The following CA5A variants were observed in gnomAD, a reference collection of about 807,000 sequenced individuals.
CA5A encodes the protein carbonic anhydrase 5A.
In CA5A, 28 loss-of-function variants were observed where a neutral mutation model predicts 37.1. The ratio of observed to expected loss-of-function variants is 0.75; its 90% CI spans 0.56 to 1.03. CA5A has a LOEUF of 1.03. Among genes scored for constraint, CA5A ranks in the 50% least tolerant of loss-of-function variants. The pLI, the probability that CA5A is intolerant of heterozygous loss-of-function variation, is 0.00. For missense variants in CA5A, 444 were observed against 399.9 expected, an observed-to-expected ratio of 1.11 and a Z score of -0.94; for synonymous variants, 171 against 158.4, an observed-to-expected ratio of 1.08 and a Z score of -0.60.
chr16:87,917,413 T>G (rs573293212), intron 2 of CA5A, among the ~76,000 whole-genome samples: 1 of 152,212 alleles, frequency 6.6e-6, no homozygotes, highest in Admixed American at 6.5e-5. Context: ...ACAGGTAAAC[T>G]TTGGAAGCTG....
intron 1 of CA5A, among the ~76,000 whole-genome samples, chr16:87,933,176 T>C (rs1567541169): frequency 6.6e-6 from 1 of 152,182 alleles, no homozygotes; most frequent in Non-Finnish European, 1.5e-5. Flanking sequence ...TGTGCAGCAG[T>C]GTGCTGGTTG....
At chr16:87,932,697 C>T (rs138024883) in intron 1 of CA5A, among the ~76,000 whole-genome samples, 1 of 152,076 alleles carries the variant, frequency 6.6e-6, no homozygotes. Context: ...TCAAAGACGC[C>T]AAGTCCCCTG....
chr16:87,920,661 A>C (rs1164210767), intron 2 of CA5A, among the ~76,000 whole-genome samples: 1 of 151,880 alleles, frequency 6.6e-6, no homozygotes, highest in Non-Finnish European at 1.5e-5. Flanking sequence ...TTTGTTGCCC[A>C]GGCTGGAGTG....
At chr16:87,928,395 C>T (rs1355856754) in intron 1 of CA5A, among the ~76,000 whole-genome samples, 17 of 152,092 alleles carry the variant, frequency 1.1e-4, no homozygotes, top group Non-Finnish European at 2.2e-4. Flanking sequence ...AACTCCTGGC[C>T]TCAAGTGATT....
chr16:87,924,161 C>T (rs1041031695), intron 2 of CA5A: 10 of 985,294 alleles, frequency 1.0e-5, no homozygotes, highest in Middle Eastern at 5.2e-4. Flanking sequence ...TCTTCTTCTC[C>T]GAGCTGGTCT....
Position 87,927,555 on chromosome 16 carries a change from A to C in CA5A, c.143-610T>G, listed in dbSNP as rs371127422. On this transcript the variant is annotated intron_variant, in intron 1 of 6. Coordinates refer to ENST00000649794, the MANE Select transcript of CA5A (RefSeq NM_001739.2). ...CTTTGATTGTCATTTTTAAAGTAAG[A>C]GCCATTAATCGAAAACAGTTCAGAG... 3.3e-5 allele frequency among the ~76,000 whole-genome samples: 5 copies of C among 152,260 alleles called. No individual in the cohort carries two copies. The East Asian group carries it at 9.7e-4, about 29-fold the overall frequency.
intron 2 of CA5A, among the ~76,000 whole-genome samples, chr16:87,918,663 C>A (rs977167935): frequency 2.0e-5 from 3 of 152,196 alleles, no homozygotes; most frequent in Non-Finnish European, 4.4e-5. Flanking sequence ...GCACCTTGTC[C>A]GCTCCCTTCC....
At chr16:87,919,222 G>A (rs1340653975) in intron 2 of CA5A, among the ~76,000 whole-genome samples, 1 of 152,202 alleles carries the variant, frequency 6.6e-6, no homozygotes, top group Non-Finnish European at 1.5e-5. Flanking sequence ...TCAGGGAGGG[G>A]CCGAGGTCAG....
At chr16:87,932,331 C>G (rs530268118) in intron 1 of CA5A, among the ~76,000 whole-genome samples, 1 of 152,318 alleles carries the variant, frequency 6.6e-6, no homozygotes, top group South Asian at 2.1e-4. Flanking sequence ...GAGACGCAGG[C>G]TTCCCTGGCT....
chr16:87,905,751 C>G (rs1256040835), intron 2 of CA5A, among the ~76,000 whole-genome samples: 1 of 152,220 alleles, frequency 6.6e-6, no homozygotes, highest in African/African-American at 2.4e-5. Flanking sequence ...ACAGGGCCAG[C>G]TTTTATTGGA....
intron 5 of CA5A, 131 bp downstream of exon 5, chr16:87,901,781 T>G: frequency 3.3e-6 from 2 of 604,376 alleles, no homozygotes; most frequent in Admixed American, 2.1e-5. Context: ...GAGACGGGGT[T>G]TCTCCATGTT....
chr16:87,890,472 C>T (rs2055696930), intron 6 of CA5A, among the ~76,000 whole-genome samples: 1 of 152,178 alleles, frequency 6.6e-6, no homozygotes, highest in African/African-American at 2.4e-5. Context: ...GATGCTAAGT[C>T]GCGCTGCGAC....
chr16:87,916,443 A>C (rs2056144684), intron 2 of CA5A, among the ~76,000 whole-genome samples: 1 of 152,084 alleles, frequency 6.6e-6, no homozygotes, highest in African/African-American at 2.4e-5. Flanking sequence ...TGAAGCTGGC[A>C]CTTTCTTACC....
rs1597554873 is a variant in CA5A at position 87,902,441 on chromosome 16, A to G, written c.539T>C (p.Ile180Thr). The change falls in exon 4 of 7, where the codon ATA becomes ACA. Residue 180 changes from isoleucine (I) to threonine (T), a missense_variant. Physicochemically the swap from Ile to Thr is moderately conservative, Grantham distance 89. Coordinates refer to ENST00000649794, the MANE Select transcript of CA5A (RefSeq NM_001739.2). ...AVVGENGLAV[I>T]GVFLKLGAHH... ...AGTGATTACCTTTAAAAACACGCCT[A>G]TCACAGCCAAACCATTCTCTCCCAC... The G allele has an allele frequency of 1.2e-6, 2 of 1,610,930 alleles. No homozygotes were observed. The highest frequency in any genetic ancestry group is 8.5e-7 in the Non-Finnish European group (1 of 1,177,170).
intron 5 of CA5A, among the ~76,000 whole-genome samples, chr16:87,898,367 G>A (rs1164020594): frequency 2.0e-5 from 3 of 152,166 alleles, no homozygotes; most frequent in Non-Finnish European, 4.4e-5. Flanking sequence ...TGAGCCTGAG[G>A]CCACCATGGC....
chr16:87,899,820 T>A (rs986871774), intron 5 of CA5A, among the ~76,000 whole-genome samples: 2 of 144,150 alleles, frequency 1.4e-5, no homozygotes, highest in African/African-American at 2.6e-5. Flanking sequence ...CTCATGAGGT[T>A]GAGGCAGGAG....
At position 87,911,538 on chromosome 16, in the gene CA5A, A is replaced by ATGC. The variant is rs1466153700; in HGVS notation, c.341-6637_341-6635dup. 1.3e-5 allele frequency among the ~76,000 whole-genome samples: 2 copies of ATGC among 152,180 alleles called. No individual in the cohort carries two copies. The highest frequency in any genetic ancestry group is 2.9e-5 in the Non-Finnish European group (2 of 68,036). On this transcript the variant is annotated intron_variant, in intron 2 of 6. Coordinates refer to ENST00000649794, the MANE Select transcript of CA5A (RefSeq NM_001739.2). The surrounding 1 kb of genome is among the most constrained non-coding windows in gnomAD (Gnocchi z 4.6). Reference sequence around the variant, plus strand: ...ATTACTGGAAATTTCAAATAACATGATGCTGCAAAGGACCGGCCTGCTTCC... The same window carrying ATGC: ...ATTACTGGAAATTTCAAATAACATGATGCTGCTGCAAAGGACCGGCCTGCTTCC...
chr16:87,919,440 G>A (rs905346806), intron 2 of CA5A, among the ~76,000 whole-genome samples: 14 of 152,218 alleles, frequency 9.2e-5, no homozygotes, highest in African/African-American at 2.4e-4. Context: ...TGGAACTGCC[G>A]GGAAAGAGGC....
intron 2 of CA5A, among the ~76,000 whole-genome samples, chr16:87,915,714 A>T: frequency 7.1e-6 from 1 of 141,324 alleles, no homozygotes; most frequent in African/African-American, 2.7e-5. Context: ...AAAAAAAAAA[A>T]GGAAAAACTA....
Sources: gnomAD v4.1 joint callset for allele counts (sites outside exome capture counted in the v4.1 genomes callset) on GRCh38, gnomAD v4.1.1 for gene constraint, Gnocchi (gnomAD v3.1) non-coding constraint, MANE v1.5 for transcripts, NCBI Gene and HGNC (gene_info 2026-07-23, HGNC 2026-07-21) for gene names.